The following GK variants were observed in gnomAD, a reference collection of about 807,000 sequenced individuals.
GK encodes glycerol kinase.
A neutral mutation model predicts 56.4 loss-of-function variants in GK; 9 were observed. The ratio of observed to expected loss-of-function variants is 0.16; its 90% CI spans 0.10 to 0.28. The LOEUF (loss-of-function observed/expected upper bound fraction) is 0.28. Among genes scored for constraint, GK ranks in the 10% least tolerant of loss-of-function variants. The pLI is 1.00. For missense variants in GK, 161 were observed against 431.4 expected (o/e 0.37, Z 5.55); for synonymous variants, 104 against 144.1 (o/e 0.72, Z 1.99).
intron 9 of GK, chrX:30,699,945 A>G (rs1487357245): frequency 8.7e-6 from 1 of 115,207 alleles, no homozygotes; most frequent in African/African-American, 3.2e-5. Context: ...TAGAAAGAAA[A>G]GTTGCTAAAA....
rs188631948 is a variant in GK, at chrX:30,678,176, G to T, written c.337+724G>T. On this transcript the variant is annotated intron_variant, in intron 4 of 20. Transcript: ENST00000427190. ...CTAGGAATTTGAATTATTCTTCTAA[G>T]GTTATAAAAATAGAATATTCGAATT... 145 of 409,982 alleles carry T rather than the reference G, an allele frequency of 3.5e-4. 2 individuals are homozygous for T. In the East Asian group the frequency reaches 5.7e-3, roughly 16 times the overall value. The allele number at this position is 409,982 out of a possible 1,213,427, so 33.8% of individuals were successfully genotyped here. A position where few individuals can be genotyped will look rare whatever the true frequency, so the allele number is the denominator to read the frequency against.
intron 3 of GK, among the ~76,000 whole-genome samples, chrX:30,676,404 A>T (rs1200237975): frequency 8.9e-6 from 1 of 112,240 alleles, no homozygotes; most frequent in East Asian, 2.8e-4. Flanking sequence ...ATGACAGGAG[A>T]TTCTAGAGAA....
intron 1 of GK, among the ~76,000 whole-genome samples, chrX:30,659,713 G>A (rs1217785674): frequency 8.9e-6 from 1 of 112,151 alleles, no homozygotes; most frequent in African/African-American, 3.2e-5. Context: ...TTCTTATAAG[G>A]CAGAGAATAC....
chrX:30,698,595 T>C (rs1369445464), intron 9 of GK, among the ~76,000 whole-genome samples: 3 of 109,108 alleles, frequency 2.7e-5, no homozygotes, highest in African/African-American at 1.0e-4. Context: ...TCCCAGCTAC[T>C]TGGGAGGCCG....
rs186755434 is a variant in GK at position 30,661,789 on chromosome X, C to T, written c.79-3722C>T. 2.1e-3 allele frequency among the ~76,000 whole-genome samples: 235 copies of T among 112,153 alleles called. 2 individuals are homozygous for T. Among genetic ancestry groups the T allele is most frequent in the African/African-American group, 7.2e-3 (222 of 30,878 alleles). ...ACCCTGTCTCAGACAAACACCCCAG[C>T]AAAAAACCAAATGACCAGGCTAGAC... On this transcript the variant is annotated intron_variant, in intron 1 of 20. Coordinates refer to ENST00000427190, the MANE Select transcript of GK (RefSeq NM_001205019.2).
At chrX:30,654,293 T>G (rs1307482938) in intron 1 of GK, among the ~76,000 whole-genome samples, 1 of 112,553 alleles carries the variant, frequency 8.9e-6, no homozygotes, top group Non-Finnish European at 1.9e-5. Context: ...CACAGCATAA[T>G]GCGACACGGA....
chrX:30,718,051 C>T (rs1379276880), intron 13 of GK, among the ~76,000 whole-genome samples: 2 of 111,958 alleles, frequency 1.8e-5, no homozygotes, highest in East Asian at 2.8e-4. Flanking sequence ...GTTATTGCCA[C>T]AGCTCTAGGT....
At chrX:30,676,734 T>C (rs890289155) in intron 3 of GK, among the ~76,000 whole-genome samples, 41 of 111,925 alleles carry the variant, frequency 3.7e-4, no homozygotes, top group African/African-American at 1.3e-3. Context: ...AGTGTTTTTT[T>C]ACACTAAATA....
chrX:30,653,706 C>A, intron 1 of GK, 91 bp downstream of exon 1: 2 of 860,365 alleles, frequency 2.3e-6, no homozygotes, highest in Non-Finnish European at 3.5e-6. Context: ...TCCCGCATCT[C>A]TCCGGCCCGG....
intron 10 of GK, 71 bp from the exon 11 acceptor site, chrX:30,700,767 A>T (rs1055190207): frequency 3.4e-5 from 20 of 581,140 alleles, no homozygotes; most frequent in Middle Eastern, 4.3e-4. Flanking sequence ...GAAAAATCCT[A>T]TGGCTCTTCT....
chrX:30,719,587 T>C, intron 15 of GK, 72 bp downstream of exon 15: 1 of 585,234 alleles, frequency 1.7e-6, no homozygotes, highest in Non-Finnish European at 2.9e-6. Flanking sequence ...AACTTATTAG[T>C]TTCTTATCTA....
chrX:30,685,209 G>A (rs889446988), intron 4 of GK, among the ~76,000 whole-genome samples: 1 of 108,787 alleles, frequency 9.2e-6, no homozygotes, highest in Non-Finnish European at 1.9e-5. Context: ...TCGGCTCACC[G>A]CAAGCTCCGC....
intron 5 of GK, 119 bp downstream of exon 5, chrX:30,691,318 CT>C: frequency 4.4e-6 from 2 of 459,030 alleles, no homozygotes; most frequent in Non-Finnish European, 7.7e-6. Context: ...TTTATAGAAT[CT>C]TTTTCCCGGA....
At position 30,657,139 on chromosome X, in the gene GK, G is replaced by A. The variant is rs1881801127; in HGVS notation, c.78+3524G>A. ...GCTGGTATTACAGGCGTCAGCCACC[G>A]TGCCCAGCCAAGTTAACTGAATTTT... On this transcript the variant is annotated intron_variant, in intron 1 of 20. Coordinates refer to ENST00000427190, the MANE Select transcript of GK (RefSeq NM_001205019.2). Among the ~76,000 whole-genome samples, 5 of 112,731 alleles carry A rather than the reference G, an allele frequency of 4.4e-5. No individual in the cohort carries two copies. The South Asian group carries it at 1.1e-3, about 24-fold the overall frequency.
chrX:30,659,705 C>T lies in GK; in HGVS notation c.79-5806C>T, dbSNP rs147870543. On this transcript the variant is annotated intron_variant, in intron 1 of 20. Transcript: ENST00000427190. ...ATTTCAGCTCCCCAGAAGTCTCATT[C>T]TTATAAGGCAGAGAATACATGTGTT... is the stretch of plus-strand genomic sequence containing the variant. Among the ~76,000 whole-genome samples, 483 of 112,365 alleles carry T rather than the reference C, an allele frequency of 4.3e-3. 1 individual carries two copies. Among genetic ancestry groups the T allele is most frequent in the African/African-American group, 0.015 (458 of 30,952 alleles).
chrX:30,679,494 T>C lies in GK; in HGVS notation c.337+2042T>C, dbSNP rs765665172. Among the ~76,000 whole-genome samples, 3 of 111,927 alleles carry C rather than the reference T, an allele frequency of 2.7e-5. No homozygotes were observed. The South Asian group carries it at 1.1e-3, about 41-fold the overall frequency. On this transcript the variant is annotated intron_variant, in intron 4 of 20. Coordinates refer to ENST00000427190, the MANE Select transcript of GK (RefSeq NM_001205019.2). ...TGGCACGCCCGGCTAGTTCCAGTTA[T>C]ATTCTAAACATTGAATTGTAAAAAT... is the stretch of plus-strand genomic sequence containing the variant.
chrX:30,697,298 T>G, intron 8 of GK, among the ~76,000 whole-genome samples: 1 of 111,995 alleles, frequency 8.9e-6, no homozygotes, highest in Non-Finnish European at 1.9e-5. Flanking sequence ...GGATTTGCAC[T>G]GGTGTTTGAG....
chrX:30,700,393 C>A (rs774641555), intron 9 of GK, 21 bp from the exon 10 acceptor site: 146 of 1,184,121 alleles, frequency 1.2e-4, no homozygotes, highest in Non-Finnish European at 1.2e-4. Flanking sequence ...TATTCATAAT[C>A]CTTTTTTTAA....
intron 5 of GK, among the ~76,000 whole-genome samples, chrX:30,693,011 C>CTTTTTTTTTT (rs1184645786): frequency 1.1e-3 from 64 of 56,611 alleles, no homozygotes; most frequent in Middle Eastern, 0.018. Flanking sequence ...TTTTTCTTTT[C>CTTTTTTTTTT]TTTTTTTTTT....
Sources: allele counts gnomAD v4.1 joint callset (sites outside exome capture counted in the v4.1 genomes callset), GRCh38; gene constraint gnomAD v4.1.1; transcripts MANE v1.5; gene names NCBI Gene and HGNC (gene_info 2026-07-23, HGNC 2026-07-21).